Variants in TSPAN7 observed in about 807,000 individuals in gnomAD.
TSPAN7 encodes tetraspanin 7.
In TSPAN7, 1 loss-of-function variant was observed where a neutral mutation model predicts 17.6. The ratio of observed to expected loss-of-function variants is 0.06; its 90% CI spans 0.02 to 0.27. TSPAN7 has a LOEUF of 0.27. Among genes scored for constraint, TSPAN7 ranks in the 10% least tolerant of loss-of-function variants. TSPAN7 has a pLI of 1.00. For missense variants in TSPAN7, 112 were observed against 201.7 expected (o/e 0.56, Z 2.69); for synonymous variants, 78 against 79.0 (o/e 0.99, Z 0.07).
intron 6 of TSPAN7, among the ~76,000 whole-genome samples, chrX:38,686,299 C>G (rs1602128265): frequency 1.8e-5 from 2 of 112,088 alleles, no homozygotes; most frequent in South Asian, 3.7e-4. Context: ...AGAACTGGAA[C>G]CTGCATGGAT....
chrX:38,586,630 A>G (rs2069259620), intron 1 of TSPAN7, among the ~76,000 whole-genome samples: 1 of 112,354 alleles, frequency 8.9e-6, no homozygotes. Flanking sequence ...AGTCTAATGC[A>G]TATTTTCATT....
At chrX:38,593,160 T>C (rs1269085839) in intron 1 of TSPAN7, among the ~76,000 whole-genome samples, 7 of 111,211 alleles carry the variant, frequency 6.3e-5, no homozygotes, top group Middle Eastern at 4.6e-3. Context: ...TAACTTTTTT[T>C]CCCCTCTGGT....
intron 1 of TSPAN7, among the ~76,000 whole-genome samples, chrX:38,645,378 A>G (rs1208505565): frequency 8.9e-6 from 1 of 112,209 alleles, no homozygotes; most frequent in Admixed American, 9.4e-5. Context: ...CAAGAGCTCA[A>G]TTTAAAACAG....
rs142998086 is a variant in TSPAN7, at chrX:38,602,615, A to G, written c.81+40988A>G. On this transcript the variant is annotated intron_variant, in intron 1 of 7. Transcript: ENST00000378482. ...AACCAGTAGTCAAAGAAAGGCAAAC[A>G]AAAGTTTCTGACAAATCTCAATTCT... 1.3e-4 allele frequency among the ~76,000 whole-genome samples: 15 copies of G among 112,548 alleles called. No individual in the cohort carries two copies. The East Asian group carries it at 3.9e-3, about 29-fold the overall frequency.
chrX:38,603,820 TA>T (rs1459537800), intron 1 of TSPAN7, among the ~76,000 whole-genome samples: 2 of 109,869 alleles, frequency 1.8e-5, no homozygotes, highest in African/African-American at 3.3e-5. Flanking sequence ...ATATTTTATT[TA>T]TTTTTTTGTT....
chrX:38,579,542 T>C (rs2069216189), intron 1 of TSPAN7, among the ~76,000 whole-genome samples: 1 of 111,291 alleles, frequency 9.0e-6, no homozygotes, highest in African/African-American at 3.3e-5. Flanking sequence ...GCCAAGATTG[T>C]GCCAGCCTGG....
chrX:38,678,073 G>A (rs981074046), intron 5 of TSPAN7, among the ~76,000 whole-genome samples: 3 of 112,339 alleles, frequency 2.7e-5, no homozygotes, highest in Non-Finnish European at 5.6e-5. Context: ...ATAACTGGGA[G>A]AGAACAGGAG....
intron 1 of TSPAN7, among the ~76,000 whole-genome samples, chrX:38,606,932 A>C (rs985770768): frequency 4.5e-5 from 5 of 111,800 alleles, no homozygotes; most frequent in Non-Finnish European, 9.4e-5. Context: ...AGAACTCCCT[A>C]CATTTCAGAG....
At chrX:38,568,510 G>A (rs113020350) in intron 1 of TSPAN7, among the ~76,000 whole-genome samples, 1 of 110,739 alleles carries the variant, frequency 9.0e-6, no homozygotes, top group Non-Finnish European at 1.9e-5. Flanking sequence ...TGTTCTTGTT[G>A]TTGGTGTTGA....
rs191133353 is a variant in TSPAN7, at chrX:38,592,753, G to A, written c.81+31126G>A. Among the ~76,000 whole-genome samples, 23 of 109,905 alleles carry A rather than the reference G, an allele frequency of 2.1e-4. No homozygotes were observed. The East Asian group carries it at 4.2e-3, about 20-fold the overall frequency. The stretch of plus-strand genomic sequence containing the variant: ...TAATTTTTGTGGGTACATTGTAGGT[G>A]TATGTACTTATGGGGTACCACCACA... On this transcript the variant is annotated intron_variant, in intron 1 of 7. Transcript: ENST00000378482.
chrX:38,572,459 T>C (rs1176345107), intron 1 of TSPAN7, among the ~76,000 whole-genome samples: 1 of 111,854 alleles, frequency 8.9e-6, no homozygotes, highest in Non-Finnish European at 1.9e-5. Context: ...TGGTGGTTAC[T>C]AGTTACCATG....
chrX:38,680,218 TTAA>T (rs2069880704), intron 5 of TSPAN7, among the ~76,000 whole-genome samples: 1 of 111,497 alleles, frequency 9.0e-6, no homozygotes, highest in Non-Finnish European at 1.9e-5. Flanking sequence ...TAGATACCAC[TTAA>T]TAGAAGACAC....
intron 1 of TSPAN7, among the ~76,000 whole-genome samples, chrX:38,594,754 CAA>C (rs1230488872): frequency 8.9e-6 from 1 of 111,854 alleles, no homozygotes; most frequent in African/African-American, 3.2e-5. Flanking sequence ...TCGAAGCAAA[CAA>C]TGTGATGATT....
At chrX:38,619,999 G>A (rs757303123) in intron 1 of TSPAN7, among the ~76,000 whole-genome samples, 2 of 112,168 alleles carry the variant, frequency 1.8e-5, no homozygotes, top group African/African-American at 3.2e-5. Flanking sequence ...GTAGTGTGAT[G>A]TGGTTATTGT....
chrX:38,582,124 G>A (rs1237152502), intron 1 of TSPAN7, among the ~76,000 whole-genome samples: 4 of 112,218 alleles, frequency 3.6e-5, no homozygotes, highest in Non-Finnish European at 7.5e-5. Context: ...AATGGTAACA[G>A]GAATTCCTGC....
intron 5 of TSPAN7, among the ~76,000 whole-genome samples, chrX:38,680,394 A>T (rs188193211): frequency 1.8e-5 from 2 of 110,947 alleles, no homozygotes; most frequent in East Asian, 5.6e-4. Context: ...TTATTAAATT[A>T]ATGTCTTTAT....
At chrX:38,673,796 C>T (rs1209201252) in intron 3 of TSPAN7, among the ~76,000 whole-genome samples, 1 of 111,392 alleles carries the variant, frequency 9.0e-6, no homozygotes, top group Non-Finnish European at 1.9e-5. Context: ...TTGACCAAAA[C>T]ATCAGTCATC....
chrX:38,613,448 G>T (rs143686863), intron 1 of TSPAN7, among the ~76,000 whole-genome samples: 113 of 112,182 alleles, frequency 1.0e-3, no homozygotes, highest in Non-Finnish European at 1.4e-3. Context: ...CTAGAAAGCT[G>T]CTCTGAAGCT....
chrX:38,653,770 AT>A (rs772208323), intron 1 of TSPAN7, among the ~76,000 whole-genome samples: 90 of 111,824 alleles, frequency 8.0e-4, no homozygotes, highest in Non-Finnish European at 1.5e-3. Flanking sequence ...GCCTTTTATT[AT>A]TTTTTTTATT....
Sources: gnomAD v4.1 joint callset for allele counts (sites outside exome capture counted in the v4.1 genomes callset) on GRCh38, gnomAD v4.1.1 for gene constraint, MANE v1.5 for transcripts, NCBI Gene and HGNC (gene_info 2026-07-23, HGNC 2026-07-21) for gene names.